The following ERMP1 variants were observed in gnomAD, a reference collection of about 807,000 sequenced individuals.
The protein encoded by ERMP1 is endoplasmic reticulum metallopeptidase 1, also known as Felix-ina.
A neutral mutation model predicts 92.0 loss-of-function variants in ERMP1; 86 were observed. That is an observed-to-expected ratio of 0.93 (90% CI 0.79 to 1.12). The LOEUF (loss-of-function observed/expected upper bound fraction) is 1.12, where lower values mean the gene tolerates loss of function less well. ERMP1 is among the 50% of genes most tolerant of loss of function. The probability of loss-of-function intolerance (pLI) is 0.00; values close to 1 mark genes in which losing one functional copy is unlikely to be tolerated. For synonymous variants in ERMP1, 530 were observed against 412.8 expected (o/e 1.28, Z -3.44); for missense variants, 1,342 against 1,116.3 (o/e 1.20, Z -2.88).
At chr9:5,847,026 T>A (rs2129747324) in intron 6 of ERMP1, among the ~76,000 whole-genome samples, 1 of 152,268 alleles carries the variant, frequency 6.6e-6, no homozygotes, top group South Asian at 2.1e-4. Context: ...CTCTCCTGCA[T>A]CCTCTCAGCA....
chr9:5,790,087 G>A (rs986023134), intron 13 of ERMP1, among the ~76,000 whole-genome samples: 2 of 152,066 alleles, frequency 1.3e-5, no homozygotes, highest in South Asian at 4.2e-4. Flanking sequence ...ATAAAAATTG[G>A]ATGGAAAATG....
chr9:5,823,136 AT>A (rs1829603495), intron 4 of ERMP1, among the ~76,000 whole-genome samples: 1 of 152,122 alleles, frequency 6.6e-6, no homozygotes, highest in Non-Finnish European at 1.5e-5. Flanking sequence ...AAATTTTTAA[AT>A]AGCCAGGCGT....
intron 5 of ERMP1, among the ~76,000 whole-genome samples, chr9:5,864,569 G>T (rs1830596501): frequency 6.6e-6 from 1 of 152,208 alleles, no homozygotes; most frequent in South Asian, 2.1e-4. Flanking sequence ...CTCAAGTGAA[G>T]GGAACAAAGC....
chr9:5,791,091 G>C (rs964167666), intron 13 of ERMP1: 11 of 357,126 alleles, frequency 3.1e-5, no homozygotes, highest in Non-Finnish European at 5.7e-5. Flanking sequence ...CTCAGAAAAA[G>C]TATAGCGTGA....
At chr9:5,818,324 C>T (rs1182518415) in intron 4 of ERMP1, among the ~76,000 whole-genome samples, 1 of 151,860 alleles carries the variant, frequency 6.6e-6, no homozygotes, top group Non-Finnish European at 1.5e-5. Flanking sequence ...GGAAATGATC[C>T]TATAGAGAGA....
intron 6 of ERMP1, among the ~76,000 whole-genome samples, chr9:5,856,853 C>T (rs1045539130): frequency 3.4e-4 from 51 of 152,208 alleles, no homozygotes; most frequent in African/African-American, 9.9e-4. Flanking sequence ...TAACTCATGC[C>T]TGAACAAAAC....
intron 2 of ERMP1, among the ~76,000 whole-genome samples, chr9:5,826,520 G>A (rs1829736846): frequency 6.6e-6 from 1 of 152,080 alleles, no homozygotes; most frequent in Non-Finnish European, 1.5e-5. Context: ...ATCTGAGGAA[G>A]GCTCTGTAGC....
Position 5,797,948 on chromosome 9 carries a change from G to C in ERMP1, c.2271-16C>G, listed in dbSNP as rs1352566627. On this transcript the variant is annotated splice_polypyrimidine_tract_variant and intron_variant, in intron 12 of 14. Coordinates refer to ENST00000339450, the MANE Select transcript of ERMP1 (RefSeq NM_024896.3). ...CCAGTTTTTCCTATTTAGAAAGGAA[G>C]CTTCAGTTTTAGGGTGCTTTATTAT... 9 of 1,533,450 alleles carry C rather than the reference G, an allele frequency of 5.9e-6. No homozygotes were observed. The Admixed American group carries it at 6.7e-5, about 11-fold the overall frequency. 95.0% of individuals were successfully genotyped at this position (1,533,450 alleles called of 1,614,324 possible).
chr9:5,819,711 CCT>C (rs528003376), intron 4 of ERMP1, among the ~76,000 whole-genome samples: 133 of 152,286 alleles, frequency 8.7e-4, no homozygotes, highest in South Asian at 2.3e-3. Flanking sequence ...TGAGAGTCTC[CCT>C]CTGTTATTTA....
At chr9:5,815,598 T>G (rs1378862892) in intron 4 of ERMP1, among the ~76,000 whole-genome samples, 2 of 151,960 alleles carry the variant, frequency 1.3e-5, no homozygotes, top group Admixed American at 6.6e-5. Context: ...GCAGTAGCAT[T>G]TGGTAAACAT....
intron 13 of ERMP1, among the ~76,000 whole-genome samples, chr9:5,795,942 T>C (rs1188830732): frequency 6.6e-6 from 1 of 152,134 alleles, no homozygotes; most frequent in Non-Finnish European, 1.5e-5. Flanking sequence ...AGACCATCAA[T>C]GAACAATACC....
upstream of ERMP1, among the ~76,000 whole-genome samples, chr9:5,834,010 A>C (rs1484642484): frequency 6.6e-6 from 1 of 152,190 alleles, no homozygotes; most frequent in Non-Finnish European, 1.5e-5. Context: ...ATTAACCTAG[A>C]GACCAACTGG....
intron 6 of ERMP1, among the ~76,000 whole-genome samples, chr9:5,844,712 A>AC (rs1830213903): frequency 6.6e-6 from 1 of 152,040 alleles, no homozygotes; most frequent in African/African-American, 2.4e-5. Flanking sequence ...TACCTCCTGC[A>AC]CCCCTCCTCA....
chr9:5,797,766 T>A, intron 13 of ERMP1, 51 bp downstream of exon 13: 1 of 1,114,240 alleles, frequency 9.0e-7, no homozygotes, highest in Non-Finnish European at 1.3e-6. Context: ...TGCCACTTAT[T>A]AACAAGTTTA....
intron 6 of ERMP1, among the ~76,000 whole-genome samples, chr9:5,851,193 C>T (rs548215575): frequency 2.0e-5 from 3 of 152,208 alleles, no homozygotes; most frequent in African/African-American, 4.8e-5. Flanking sequence ...TTGTTCTTCT[C>T]TTTTCTCTAT....
chr9:5,813,934 T>C (rs1174955542), intron 4 of ERMP1, among the ~76,000 whole-genome samples: 1 of 150,734 alleles, frequency 6.6e-6, no homozygotes, highest in Non-Finnish European at 1.5e-5. Context: ...AATTATTCAC[T>C]CTTCCCTCGC....
chr9:5,812,693 T>C, intron 5 of ERMP1, 196 bp downstream of exon 5: 3 of 637,234 alleles, frequency 4.7e-6, no homozygotes, highest in Non-Finnish European at 8.2e-6. Context: ...AGATGACATA[T>C]TTTAGAGGAG....
rs1339902478 is a variant in ERMP1, at chr9:5,786,123, T to TA, written c.*1020dup. 6.6e-6 allele frequency: 1 copy of TA among 152,102 alleles called. No individual in the cohort carries two copies. The highest frequency in any genetic ancestry group is 1.9e-4 in the East Asian group (1 of 5,188). 9.4% of individuals were successfully genotyped at this position (152,102 alleles called of 1,614,324 possible). A position where few individuals can be genotyped will look rare whatever the true frequency, so the allele number is the denominator to read the frequency against. ...TGGATAGTAAGTTACTGAGAAAAAC[T>TA]AATCTATTCAACTGGCTGGAAAACA... is the stretch of plus-strand genomic sequence containing the variant. On this transcript the variant is annotated 3_prime_UTR_variant, in exon 15 of 15. Transcript: ENST00000339450.
At chr9:5,860,314 A>G (rs1315918497) in intron 5 of ERMP1, among the ~76,000 whole-genome samples, 2 of 151,418 alleles carry the variant, frequency 1.3e-5, no homozygotes, top group Admixed American at 6.6e-5. Flanking sequence ...AGAAGGAAGG[A>G]AGCATTTATA....
Sources: allele counts gnomAD v4.1 joint callset (sites outside exome capture counted in the v4.1 genomes callset), GRCh38; gene constraint gnomAD v4.1.1; transcripts MANE v1.5; gene names NCBI Gene and HGNC (gene_info 2026-07-23, HGNC 2026-07-21).